SLC12A6: variants seen among roughly 807,000 people sequenced by gnomAD.
The protein encoded by SLC12A6 is solute carrier family 12 member 6.
Under a neutral mutation model 135.3 loss-of-function variants are expected in SLC12A6, and 66 were observed. The observed-to-expected ratio is 0.49, with a 90% confidence interval of 0.40 to 0.60. The LOEUF is 0.60. Among genes scored for constraint, SLC12A6 ranks in the 20% least tolerant of loss-of-function variants. The pLI, the probability that SLC12A6 is intolerant of heterozygous loss-of-function variation, is 0.00. For synonymous variants in SLC12A6, 513 were observed against 508.8 expected (o/e 1.01, Z -0.11); for missense variants, 1,058 against 1,452.3 (o/e 0.73, Z 4.41).
At chr15:34,255,774 C>A in intron 7 of SLC12A6, among the ~76,000 whole-genome samples, 1 of 149,556 alleles carries the variant, frequency 6.7e-6, no homozygotes, top group African/African-American at 2.5e-5. Context: ...AGTTTGAGAC[C>A]AAACTGGGTA....
At chr15:34,293,275 G>C (rs970260592) in intron 2 of SLC12A6, among the ~76,000 whole-genome samples, 2 of 152,258 alleles carry the variant, frequency 1.3e-5, no homozygotes, top group Non-Finnish European at 2.9e-5. Context: ...ATCTATTGCT[G>C]TCAGGACTGA....
intron 2 of SLC12A6, chr15:34,299,601 T>G (rs929297059): frequency 6.6e-6 from 1 of 152,172 alleles, no homozygotes; most frequent in African/African-American, 2.4e-5. Flanking sequence ...CAGGGACCAT[T>G]AAGGAAGAAG....
chr15:34,235,654 T>C (rs1052526088), intron 24 of SLC12A6, among the ~76,000 whole-genome samples: 1 of 152,070 alleles, frequency 6.6e-6, no homozygotes, highest in Non-Finnish European at 1.5e-5. Context: ...GGCAGGCTGG[T>C]CTCGAACTCC....
intron 2 of SLC12A6, among the ~76,000 whole-genome samples, chr15:34,330,916 C>T (rs1327784878): frequency 6.6e-6 from 1 of 152,030 alleles, no homozygotes; most frequent in Non-Finnish European, 1.5e-5. Flanking sequence ...GTGGCACGTG[C>T]CTGTAGTCCC....
At chr15:34,286,307 C>T (rs1327118783) in intron 2 of SLC12A6, among the ~76,000 whole-genome samples, 2 of 151,684 alleles carry the variant, frequency 1.3e-5, no homozygotes, top group Admixed American at 6.6e-5. Flanking sequence ...AACTCCTCAC[C>T]TCAAGTGATC....
intron 2 of SLC12A6, among the ~76,000 whole-genome samples, chr15:34,292,910 A>G (rs1895639213): frequency 6.6e-6 from 1 of 152,162 alleles, no homozygotes. Context: ...TCCTCCAAGC[A>G]CAGTCACTCA....
intron 2 of SLC12A6, among the ~76,000 whole-genome samples, chr15:34,313,580 T>C (rs147121904): frequency 1.1e-3 from 175 of 152,294 alleles, no homozygotes; most frequent in African/African-American, 3.8e-3. Context: ...ATCCAGAAGA[T>C]TGAGCTACGA....
intron 6 of SLC12A6, 193 bp downstream of exon 6, chr15:34,257,449 G>A: frequency 1.7e-6 from 1 of 582,940 alleles, no homozygotes; most frequent in South Asian, 2.0e-5. Context: ...TCATATAATA[G>A]ATAGCAAGCA....
Position 34,326,858 on chromosome 15 carries a change from CTTTTTTT to C in SLC12A6, c.271+9545_271+9551del, listed in dbSNP as rs397963192. Among the ~76,000 whole-genome samples, 541 of 72,116 alleles carry C rather than the reference CTTTTTTT, an allele frequency of 7.5e-3. 1 individual carries two copies. Among genetic ancestry groups the C allele is most frequent in the African/African-American group, 0.043 (509 of 11,808 alleles). The allele number at this position is 72,116 out of a possible 152,430, so 47.3% of individuals were successfully genotyped here. On this transcript the variant is annotated intron_variant, in intron 2 of 25. Transcript: ENST00000354181. ...AGGTGCACACCACCACAACTGGCTG[CTTTTTTT>C]TTTTTTTTTTTTTTTTTTTTTGTAG...
chr15:34,249,221 A>C (rs1220918227), intron 13 of SLC12A6, among the ~76,000 whole-genome samples: 5 of 152,182 alleles, frequency 3.3e-5, no homozygotes, highest in Admixed American at 3.3e-4. Flanking sequence ...ATGTGGATAA[A>C]GAATAGAGGA....
intron 4 of SLC12A6, 120 bp downstream of exon 4, chr15:34,260,806 T>A (rs1893066894): frequency 1.5e-6 from 1 of 646,918 alleles, no homozygotes; most frequent in Admixed American, 2.6e-5. Context: ...AGTTACAATA[T>A]TTTCTTTTAA....
At chr15:34,252,050 T>C (rs1892427497) in intron 10 of SLC12A6, 120 bp downstream of exon 10, 2 of 687,716 alleles carry the variant, frequency 2.9e-6, no homozygotes, top group African/African-American at 3.5e-5. Flanking sequence ...TGTGGTGTGC[T>C]TAAGAAGGGA....
rs963374317 is a variant in SLC12A6, at chr15:34,260,803, A to G, written c.411+123T>C. The G allele has an allele frequency of 2.0e-5, 13 of 653,714 alleles. No homozygotes were observed. In the African/African-American group the frequency reaches 2.4e-4, roughly 12 times the overall value. 40.5% of individuals were successfully genotyped at this position (653,714 alleles called of 1,614,324 possible). A position where few individuals can be genotyped will look rare whatever the true frequency, so the allele number is the denominator to read the frequency against. On this transcript the variant is annotated intron_variant, in intron 4 of 25. Coordinates refer to ENST00000354181, the MANE Select transcript of SLC12A6 (RefSeq NM_001365088.1). ...AAATTTACTATAATAACAAGTTACA[A>G]TATTTTCTTTTAACATTAAATTATC...
rs1356704875 is a variant in SLC12A6, at chr15:34,237,619, T to C, written c.2803-69A>G. On this transcript the variant is annotated intron_variant, in intron 21 of 25. Coordinates refer to ENST00000354181, the MANE Select transcript of SLC12A6 (RefSeq NM_001365088.1). ...CAAAAAAGGTTATTTCCTAAGACAT[T>C]AGACATTGTGGTCTAGAAGAACCTT... The C allele has an allele frequency of 7.6e-6, 10 of 1,318,804 alleles. No individual in the cohort carries two copies. The African/African-American group carries it at 8.7e-5, about 11-fold the overall frequency. 81.7% of individuals were successfully genotyped at this position (1,318,804 alleles called of 1,614,324 possible).
At chr15:34,274,897 T>G (rs1451655089) in intron 3 of SLC12A6, among the ~76,000 whole-genome samples, 1 of 152,170 alleles carries the variant, frequency 6.6e-6, no homozygotes, top group Non-Finnish European at 1.5e-5. Flanking sequence ...TTCCATAATT[T>G]GTTTCATAGA....
intron 2 of SLC12A6, among the ~76,000 whole-genome samples, chr15:34,276,675 C>G (rs987096885): frequency 1.3e-5 from 2 of 152,172 alleles, no homozygotes; most frequent in Non-Finnish European, 2.9e-5. Flanking sequence ...TTTCACTAAC[C>G]TCTAACTGAA....
chr15:34,232,013 C>G lies in SLC12A6; in HGVS notation c.*1868G>C, dbSNP rs1346416802. 5 of 152,110 alleles carry G rather than the reference C, an allele frequency of 3.3e-5. No individual in the cohort carries two copies. The highest frequency in any genetic ancestry group is 1.2e-4 in the African/African-American group (5 of 41,432). The allele number at this position is 152,110 out of a possible 1,614,324, so 9.4% of individuals were successfully genotyped here. On this transcript the variant is annotated 3_prime_UTR_variant, in exon 26 of 26. Coordinates refer to ENST00000354181, the MANE Select transcript of SLC12A6 (RefSeq NM_001365088.1). Reference sequence around the variant, plus strand: ...CTATTTAGTAATCAAAGAAGAGTGGCACTATTTATGACTAATAAATTGAAA... The same window carrying G: ...CTATTTAGTAATCAAAGAAGAGTGGGACTATTTATGACTAATAAATTGAAA...
At chr15:34,254,153 A>G (rs544954521) in intron 9 of SLC12A6, among the ~76,000 whole-genome samples, 195 bp downstream of exon 9, 5 of 152,374 alleles carry the variant, frequency 3.3e-5, no homozygotes, top group African/African-American at 1.2e-4. Context: ...TGCTTAGGAC[A>G]TAAGAAAGAG....
At chr15:34,322,653 G>C (rs554228850) in intron 2 of SLC12A6, among the ~76,000 whole-genome samples, 8 of 151,922 alleles carry the variant, frequency 5.3e-5, no homozygotes, top group African/African-American at 1.9e-4. Flanking sequence ...TGTTCACGAT[G>C]AAAGTTTTTC....
Sources: gnomAD v4.1 joint callset for allele counts (sites outside exome capture counted in the v4.1 genomes callset) on GRCh38, gnomAD v4.1.1 for gene constraint, MANE v1.5 for transcripts, NCBI Gene and HGNC (gene_info 2026-07-23, HGNC 2026-07-21) for gene names.